Variants in MEOX2 observed in about 807,000 individuals in gnomAD.
MEOX2 encodes the protein mesenchyme homeobox 2, also known as homeobox protein MOX-2.
MEOX2 carries 11 observed loss-of-function variants against 27.0 expected under a neutral mutation model. The observed-to-expected ratio is 0.41, with a 90% CI of 0.26 to 0.68. The LOEUF is 0.68. Ranked by LOEUF, MEOX2 falls within the 30% of genes least tolerant of loss-of-function variation. The pLI, the probability that MEOX2 is intolerant of heterozygous loss-of-function variation, is 0.33. For missense variants in MEOX2, 436 were observed against 385.4 expected, an observed-to-expected ratio of 1.13 and a Z score of -1.10; for synonymous variants, 189 against 155.4, an observed-to-expected ratio of 1.22 and a Z score of -1.61.
rs564586743 is a variant in MEOX2 at position 15,621,885 on chromosome 7, G to A, written c.690+4861C>T. 2.6e-4 allele frequency among the ~76,000 whole-genome samples: 39 copies of A among 152,260 alleles called. No individual in the cohort carries two copies. The South Asian group carries it at 3.5e-3, about 14-fold the overall frequency. Reference sequence around the variant, plus strand: ...CGTAATCTCAGCACTTTGGGAGGCCGAGGCTGGTGGATCACGAGGTCAGGA... The same window carrying A: ...CGTAATCTCAGCACTTTGGGAGGCCAAGGCTGGTGGATCACGAGGTCAGGA... On this transcript the variant is annotated intron_variant, in intron 2 of 2. Coordinates refer to ENST00000262041, the MANE Select transcript of MEOX2 (RefSeq NM_005924.5).
At chr7:15,615,919 T>C (rs1583735673) in intron 2 of MEOX2, among the ~76,000 whole-genome samples, 1 of 152,060 alleles carries the variant, frequency 6.6e-6, no homozygotes, top group East Asian at 1.9e-4. Flanking sequence ...ATATAGTAAT[T>C]ATATAATATC....
At chr7:15,651,203 A>G (rs1001656129) in intron 1 of MEOX2, among the ~76,000 whole-genome samples, 35 of 152,058 alleles carry the variant, frequency 2.3e-4, no homozygotes, top group African/African-American at 7.5e-4. Context: ...TTTGGTATGT[A>G]TAAATGAAAT....
At chr7:15,645,623 A>C (rs957104324) in intron 1 of MEOX2, among the ~76,000 whole-genome samples, 2 of 152,146 alleles carry the variant, frequency 1.3e-5, no homozygotes, top group Non-Finnish European at 2.9e-5. Flanking sequence ...GTTGGTAAAA[A>C]ACACCCTTGG....
chr7:15,666,025 C>G (rs182832342), intron 1 of MEOX2, among the ~76,000 whole-genome samples: 35 of 152,130 alleles, frequency 2.3e-4, no homozygotes, highest in African/African-American at 8.2e-4. Context: ...CCTTCCAATT[C>G]TAACATTCTG....
At chr7:15,616,624 TATC>T (rs980709642) in intron 2 of MEOX2, among the ~76,000 whole-genome samples, 66 of 152,020 alleles carry the variant, frequency 4.3e-4, no homozygotes, top group Middle Eastern at 3.4e-3. Context: ...ACAGCTAAAT[TATC>T]ATCATCCAAA....
At chr7:15,650,263 G>T (rs1253931413) in intron 1 of MEOX2, among the ~76,000 whole-genome samples, 3 of 152,002 alleles carry the variant, frequency 2.0e-5, no homozygotes, top group Non-Finnish European at 2.9e-5. Context: ...TCATTAAAGA[G>T]TTCTACTGCT....
At chr7:15,627,304 C>A (rs1289119368) in intron 1 of MEOX2, among the ~76,000 whole-genome samples, 2 of 151,940 alleles carry the variant, frequency 1.3e-5, no homozygotes, top group Non-Finnish European at 2.9e-5. Context: ...ACATAGTAAT[C>A]CTTTAAAAAG....
At chr7:15,652,193 T>C (rs1202961053) in intron 1 of MEOX2, among the ~76,000 whole-genome samples, 1 of 152,084 alleles carries the variant, frequency 6.6e-6, no homozygotes, top group African/African-American at 2.4e-5. Flanking sequence ...TAACATGCTT[T>C]TACTGTTCAA....
chr7:15,643,666 C>T (rs935433079), intron 1 of MEOX2, among the ~76,000 whole-genome samples: 7 of 152,168 alleles, frequency 4.6e-5, no homozygotes, highest in South Asian at 2.1e-4. Flanking sequence ...GGAAAAACTG[C>T]GGCTGTCAGG....
At chr7:15,621,605 A>G (rs1263454650) in intron 2 of MEOX2, among the ~76,000 whole-genome samples, 1 of 152,206 alleles carries the variant, frequency 6.6e-6, no homozygotes. Context: ...CCTAATTATT[A>G]TTGCAAATCT....
At chr7:15,663,727 T>C (rs1363734724) in intron 1 of MEOX2, among the ~76,000 whole-genome samples, 2 of 152,216 alleles carry the variant, frequency 1.3e-5, no homozygotes, top group African/African-American at 4.8e-5. Flanking sequence ...AGGTTGGGAC[T>C]ATTATAAATT....
chr7:15,626,660 G>A (rs1781312777), intron 2 of MEOX2, 86 bp downstream of exon 2: 1 of 947,812 alleles, frequency 1.1e-6, no homozygotes. Context: ...CAAGAATTCT[G>A]GATCTAGGTA....
At chr7:15,625,948 G>A (rs1048155978) in intron 2 of MEOX2, among the ~76,000 whole-genome samples, 3 of 152,130 alleles carry the variant, frequency 2.0e-5, no homozygotes, top group Non-Finnish European at 4.4e-5. Context: ...TGAGTGGGTA[G>A]CAGAATTTTG....
At chr7:15,655,779 G>A (rs1781810075) in intron 1 of MEOX2, among the ~76,000 whole-genome samples, 1 of 151,702 alleles carries the variant, frequency 6.6e-6, no homozygotes, top group Non-Finnish European at 1.5e-5. Flanking sequence ...AGGTTATGGT[G>A]TACCTTGATA....
At chr7:15,631,932 G>GTGTGTGTGTGTGTGTGT (rs371386224) in intron 1 of MEOX2, among the ~76,000 whole-genome samples, 17 of 149,930 alleles carry the variant, frequency 1.1e-4, no homozygotes, top group South Asian at 2.1e-4. Flanking sequence ...GTGTGTGTGT[G>GTGTGTGTGTGTGTGTGT]GAGAGAAAGA....
chr7:15,640,563 T>C (rs1781543657), intron 1 of MEOX2, among the ~76,000 whole-genome samples: 1 of 152,126 alleles, frequency 6.6e-6, no homozygotes, highest in African/African-American at 2.4e-5. Flanking sequence ...ATGTTGAATG[T>C]TGAATAGCAA....
In MEOX2 at chr7:15,686,314, T is replaced by C. The variant is rs976514962; in HGVS notation, c.89A>G (p.His30Arg). 3.1e-6 allele frequency: 5 copies of C among 1,609,038 alleles called. No individual in the cohort carries two copies. In the African/African-American group the frequency reaches 4.0e-5, roughly 13 times the overall value. ...GTAAGACATATGGTCAGATCTTCCATGGAGGGCGAGAGAGGATTGGGAGAA... is the reference window on the plus strand; with the variant it reads ...GTAAGACATATGGTCAGATCTTCCACGGAGGGCGAGAGAGGATTGGGAGAA... ...HPFSQSSLAL[H>R]GRSDHMSYPE... Residue 30 changes from histidine (H) to arginine (R), a missense_variant, in exon 1 of 3, where the codon CAT (histidine) becomes CGT (arginine). Coordinates refer to ENST00000262041, the MANE Select transcript of MEOX2 (RefSeq NM_005924.5).
intron 1 of MEOX2, among the ~76,000 whole-genome samples, chr7:15,655,165 G>T (rs1020698312): frequency 2.0e-5 from 3 of 151,520 alleles, no homozygotes; most frequent in Admixed American, 6.6e-5. Flanking sequence ...ATTTATTTGA[G>T]TGGAATTAAT....
chr7:15,679,219 A>AT (rs1782253785), intron 1 of MEOX2: 1 of 152,076 alleles, frequency 6.6e-6, no homozygotes, highest in Admixed American at 6.6e-5. Flanking sequence ...ATATACCTAT[A>AT]TATGTATATA....
Sources: gnomAD v4.1 joint callset for allele counts (sites outside exome capture counted in the v4.1 genomes callset) on GRCh38, gnomAD v4.1.1 for gene constraint, MANE v1.5 for transcripts, NCBI Gene and HGNC (gene_info 2026-07-23, HGNC 2026-07-21) for gene names.